Variants in MYOM1 observed in about 807,000 individuals in gnomAD.
The protein encoded by MYOM1 is myomesin-1.
Under a neutral mutation model 205.3 loss-of-function variants are expected in MYOM1, and 164 were observed. The ratio of observed to expected loss-of-function variants is 0.80; its 90% CI spans 0.70 to 0.91. MYOM1 has a LOEUF of 0.91. MYOM1 is among the 40% of genes least tolerant of loss of function. MYOM1 has a pLI of 0.00. For missense variants in MYOM1, 2,011 were observed against 2,127.3 expected, an observed-to-expected ratio of 0.95 and a Z score of 1.08; for synonymous variants, 772 against 789.4, an observed-to-expected ratio of 0.98 and a Z score of 0.37.
At chr18:3,076,588 G>A (rs374164529) in intron 34 of MYOM1, among the ~76,000 whole-genome samples, 59 of 152,246 alleles carry the variant, frequency 3.9e-4, no homozygotes, top group African/African-American at 1.4e-3. Context: ...CTGAAGCAAT[G>A]TTTCTTATGC....
chr18:3,115,979 G>GA (rs1262197084), intron 21 of MYOM1, among the ~76,000 whole-genome samples: 2 of 151,996 alleles, frequency 1.3e-5, no homozygotes, highest in South Asian at 4.2e-4. Flanking sequence ...CATCCCCCTA[G>GA]AAAAAAGAGG....
chr18:3,242,495 C>T, the MYOM1 span, among the ~76,000 whole-genome samples: 1 of 152,142 alleles, frequency 6.6e-6, no homozygotes, highest in Non-Finnish European at 1.5e-5. Context: ...TTGTAAATTA[C>T]CCAGTCTCAG....
chr18:3,077,814 C>G (rs1425916672), intron 34 of MYOM1, among the ~76,000 whole-genome samples: 1 of 152,182 alleles, frequency 6.6e-6, no homozygotes. Flanking sequence ...TCACTGTGCA[C>G]TTGTGATGCA....
At chr18:3,087,474 G>A (rs1470354326) in intron 29 of MYOM1, among the ~76,000 whole-genome samples, 1 of 150,436 alleles carries the variant, frequency 6.6e-6, no homozygotes, top group African/African-American at 2.5e-5. Flanking sequence ...GCAAGCTAGG[G>A]TTCCTCCTAC....
At chr18:3,187,910 A>G (rs2080844327) in intron 4 of MYOM1, among the ~76,000 whole-genome samples, 1 of 139,820 alleles carries the variant, frequency 7.2e-6, no homozygotes, top group Non-Finnish European at 1.5e-5. Context: ...TGCAACCTGC[A>G]TCACTGCAGC....
chr18:3,106,658 C>T (rs2079455534), intron 22 of MYOM1, among the ~76,000 whole-genome samples: 1 of 151,898 alleles, frequency 6.6e-6, no homozygotes, highest in South Asian at 2.1e-4. Context: ...TCTGTATCTA[C>T]AAAAAAAATT....
At position 3,219,866 on chromosome 18, in the gene MYOM1, A is replaced by T. The variant is rs2081311596; in HGVS notation, c.-92T>A. On this transcript the variant is annotated 5_prime_UTR_variant, in exon 1 of 38. Transcript: ENST00000356443. This position sits in a 1 kb window ranked among gnomAD's most constrained non-coding sequence, Gnocchi z 4.4. Reference sequence around the variant, plus strand: ...TGAGGCCGAGGAGCTGGATGAGAGAATGAAGACTCCACCTAGGTTGAATCC... The same window carrying T: ...TGAGGCCGAGGAGCTGGATGAGAGATTGAAGACTCCACCTAGGTTGAATCC... 1 of 152,318 alleles carries T rather than the reference A, an allele frequency of 6.6e-6. No individual in the cohort carries two copies. Among genetic ancestry groups the T allele is most frequent in the Admixed American group, 6.5e-5 (1 of 15,282 alleles). 9.4% of individuals were successfully genotyped at this position (152,318 alleles called of 1,614,324 possible).
intron 37 of MYOM1, among the ~76,000 whole-genome samples, chr18:3,069,674 C>CAG (rs34521223): frequency 0.26 from 38,894 of 151,554 alleles, 6,158 homozygotes; most frequent in African/African-American, 0.45. Context: ...CAAAATGAAA[C>CAG]AAAGTCCCAA....
At chr18:3,083,427 C>CTTTTTTTTTTTTTTTTTTTTTTTT (rs35959808) in intron 33 of MYOM1, among the ~76,000 whole-genome samples, 11 of 98,526 alleles carry the variant, frequency 1.1e-4, no homozygotes, top group African/African-American at 2.1e-4. Flanking sequence ...TTTTCTTTTT[C>CTTTTTTTTTTTTTTTTTTTTTTTT]TTTTTTTTTT....
intron 37 of MYOM1, among the ~76,000 whole-genome samples, chr18:3,070,785 T>C (rs1276289718): frequency 6.6e-6 from 1 of 151,588 alleles, no homozygotes; most frequent in Non-Finnish European, 1.5e-5. Flanking sequence ...CACGTGTGTG[T>C]GTTTGTATGA....
At chr18:3,137,008 T>C (rs887962144) in intron 14 of MYOM1, among the ~76,000 whole-genome samples, 1 of 151,728 alleles carries the variant, frequency 6.6e-6, no homozygotes, top group Non-Finnish European at 1.5e-5. Context: ...TGGAGTGCAG[T>C]GGCACAATCT....
chr18:3,127,338 TGCTC>T (rs1567920919), intron 18 of MYOM1, among the ~76,000 whole-genome samples: 3 of 123,682 alleles, frequency 2.4e-5, no homozygotes, highest in African/African-American at 6.2e-5. Flanking sequence ...GCTGGGGTTT[TGCTC>T]TTGTCACCCA....
Position 3,067,546 on chromosome 18 carries a change from G to C in MYOM1, c.4774C>G (p.Leu1592Val). 6.2e-7 allele frequency: 1 copy of C among 1,611,572 alleles called. No homozygotes were observed. Among genetic ancestry groups the C allele is most frequent in the African/African-American group, 1.3e-5 (1 of 74,988 alleles). ...VTIQEGKALNLTCNVWGDPPP... is the reference protein window; with the variant it reads ...VTIQEGKALNVTCNVWGDPPP... ...GGGTCTCCCCACACGTTGCAAGTGAGATTAAGGGCCTGCAAGACAGGTTTT... is the reference window on the plus strand; with the variant it reads ...GGGTCTCCCCACACGTTGCAAGTGACATTAAGGGCCTGCAAGACAGGTTTT... The change falls in exon 38 of 38, where the codon CTC (leucine) becomes GTC (valine). Residue 1592 changes from leucine to valine, a missense_variant. Leu to Val is a conservative substitution (Grantham distance 32, BLOSUM62 1). Transcript: ENST00000356443.
intron 30 of MYOM1, 130 bp downstream of exon 30, chr18:3,085,908 C>T: frequency 1.7e-6 from 1 of 589,714 alleles, no homozygotes; most frequent in Non-Finnish European, 2.9e-6. Flanking sequence ...TTTTGTGTTC[C>T]TACAGCAGTT....
At chr18:3,188,461 A>C (rs868176894) in intron 4 of MYOM1, among the ~76,000 whole-genome samples, 1 of 150,606 alleles carries the variant, frequency 6.6e-6, no homozygotes, top group African/African-American at 2.5e-5. Context: ...TACCAGAAAA[A>C]AAAAAACAAC....
At chr18:3,140,467 A>G (rs1024422080) in intron 14 of MYOM1, among the ~76,000 whole-genome samples, 1 of 152,170 alleles carries the variant, frequency 6.6e-6, no homozygotes, top group South Asian at 2.1e-4. Context: ...GATATCTGGA[A>G]AGCATATAAA....
intron 10 of MYOM1, among the ~76,000 whole-genome samples, chr18:3,155,308 A>G (rs969512018): frequency 2.3e-4 from 35 of 151,668 alleles, no homozygotes; most frequent in South Asian, 6.3e-4. Flanking sequence ...TGCAAGCTCC[A>G]CCTCCCGGGT....
At chr18:3,228,914 A>G in the MYOM1 span, among the ~76,000 whole-genome samples, 1 of 152,210 alleles carries the variant, frequency 6.6e-6, no homozygotes. This position sits in a 1 kb window ranked among gnomAD's most constrained non-coding sequence, Gnocchi z 4.5. Flanking sequence ...TCATCTGGAT[A>G]CTGGATGCAC....
Position 3,089,579 on chromosome 18 carries a change from T to C in MYOM1, c.4027A>G (p.Lys1343Glu). 6.2e-7 allele frequency: 1 copy of C among 1,608,748 alleles called. No individual in the cohort carries two copies. The highest frequency in any genetic ancestry group is 8.5e-7 in the Non-Finnish European group (1 of 1,177,438). ...LVGDVFKKLQKEAEFQRQEWI... is the reference protein window; with the variant it reads ...LVGDVFKKLQEEAEFQRQEWI... The stretch of plus-strand genomic sequence containing the variant: ...TCTTGCCGCTGGAATTCAGCTTCTT[T>C]CTGGAGCTTTTTGAAAACTACAAAT... Residue 1343 changes from lysine (K) to glutamate (E), a missense_variant, in exon 28 of 38, where the codon AAA (lysine) becomes GAA (glutamate). Physicochemically the swap from Lys to Glu is moderately conservative, Grantham distance 56. Coordinates refer to ENST00000356443, the MANE Select transcript of MYOM1 (RefSeq NM_003803.4).
Sources: allele counts gnomAD v4.1 joint callset (sites outside exome capture counted in the v4.1 genomes callset), GRCh38; gene constraint gnomAD v4.1.1; non-coding constraint Gnocchi (gnomAD v3.1); transcripts MANE v1.5; gene names NCBI Gene and HGNC (gene_info 2026-07-23, HGNC 2026-07-21).